NALF1: variants seen among roughly 807,000 people sequenced by gnomAD.
NALF1 encodes NALCN channel auxiliary factor 1, also known as family with sequence similarity 155 member A.
NALF1 carries 3 observed loss-of-function variants against 48.4 expected under a neutral mutation model. The ratio of observed to expected loss-of-function variants is 0.06; its 90% CI spans 0.03 to 0.16. The LOEUF is 0.16. Ranked by LOEUF, NALF1 falls within the 10% of genes least tolerant of loss-of-function variation. The pLI, the probability that NALF1 is intolerant of heterozygous loss-of-function variation, is 1.00. For missense variants in NALF1, 526 were observed against 571.5 expected (o/e 0.92, Z 0.81); for synonymous variants, 262 against 245.7 (o/e 1.07, Z -0.62).
chr13:107,851,805 C>CTTTTTTTT (rs34999908), intron 1 of NALF1, among the ~76,000 whole-genome samples: 1 of 104,700 alleles, frequency 9.6e-6, no homozygotes. Context: ...CAGGCCCTTT[C>CTTTTTTTT]TTTTTTTTTT....
At chr13:107,534,045 G>A (rs1375626907) in intron 1 of NALF1, among the ~76,000 whole-genome samples, 4 of 152,102 alleles carry the variant, frequency 2.6e-5, no homozygotes, top group African/African-American at 9.7e-5. Flanking sequence ...GAGAGAAATG[G>A]AACGTGAGAG....
intron 1 of NALF1, among the ~76,000 whole-genome samples, chr13:107,424,174 GT>G (rs1884239941): frequency 1.3e-5 from 2 of 152,166 alleles, no homozygotes; most frequent in African/African-American, 4.8e-5. Flanking sequence ...GTCTGCCTCT[GT>G]TGCCCAGGCT....
chr13:107,419,712 A>G lies in NALF1; in HGVS notation c.916-208957T>C, dbSNP rs535748726. Among the ~76,000 whole-genome samples, 3 of 152,354 alleles carry G rather than the reference A, an allele frequency of 2.0e-5. No individual in the cohort carries two copies. In the South Asian group the frequency reaches 6.2e-4, roughly 32 times the overall value. ...TCTTTCAAAATCTTTAATAAGCATG[A>G]TGTATGAAATATTAAAAGAGGGAAA... On this transcript the variant is annotated intron_variant, in intron 1 of 2. Transcript: ENST00000375915.
intron 1 of NALF1, among the ~76,000 whole-genome samples, chr13:107,518,204 G>A (rs1594106109): frequency 1.3e-5 from 2 of 152,052 alleles, no homozygotes; most frequent in South Asian, 4.1e-4. Flanking sequence ...TAAGGAATTC[G>A]GTACTGGCAC....
chr13:107,181,173 A>G (rs1187028345), intron 2 of NALF1, among the ~76,000 whole-genome samples: 1 of 151,634 alleles, frequency 6.6e-6, no homozygotes, highest in Non-Finnish European at 1.5e-5. Context: ...TGAACATATC[A>G]GTACCTATTC....
intron 1 of NALF1, among the ~76,000 whole-genome samples, chr13:107,546,715 G>A (rs1373445598): frequency 6.6e-6 from 1 of 151,944 alleles, no homozygotes; most frequent in Admixed American, 6.6e-5. Flanking sequence ...AAATTCCACT[G>A]ATGTAGTATA....
intron 1 of NALF1, among the ~76,000 whole-genome samples, chr13:107,536,019 G>A (rs111329108): frequency 0.035 from 5,357 of 152,232 alleles, 320 homozygotes; most frequent in African/African-American, 0.12. Context: ...AAACTGGCTA[G>A]CCATATGTAG....
chr13:107,732,771 A>G lies in NALF1; in HGVS notation c.915+132911T>C, dbSNP rs117745099. 0.026 allele frequency among the ~76,000 whole-genome samples: 4,028 copies of G among 152,244 alleles called. 301 individuals are homozygous for G. In the East Asian group the frequency reaches 0.3, roughly 11 times the overall value. On this transcript the variant is annotated intron_variant, in intron 1 of 2. Coordinates refer to ENST00000375915, the MANE Select transcript of NALF1 (RefSeq NM_001080396.3). ...TCATTGCTATGATAGATAAGCTTGC[A>G]GAGTAACATAAACCTATTGCAAAGT...
chr13:107,814,818 A>G (rs1256079906), intron 1 of NALF1, among the ~76,000 whole-genome samples: 1 of 152,168 alleles, frequency 6.6e-6, no homozygotes, highest in Non-Finnish European at 1.5e-5. Flanking sequence ...ACAAACCTAT[A>G]AACCACCTAG....
chr13:107,479,725 T>C (rs574230884), intron 1 of NALF1, among the ~76,000 whole-genome samples: 3 of 152,316 alleles, frequency 2.0e-5, no homozygotes, highest in Admixed American at 2.0e-4. Flanking sequence ...AGGAAGATAT[T>C]ATGCTCCTAT....
intron 1 of NALF1, among the ~76,000 whole-genome samples, chr13:107,734,098 C>T (rs935272764): frequency 1.3e-5 from 2 of 152,060 alleles, no homozygotes; most frequent in Non-Finnish European, 1.5e-5. Context: ...TGTTGCACTA[C>T]GGTGTTATGA....
chr13:107,350,455 C>G (rs576537472), intron 1 of NALF1, among the ~76,000 whole-genome samples: 1 of 152,164 alleles, frequency 6.6e-6, no homozygotes, highest in Non-Finnish European at 1.5e-5. Context: ...GCAATAAACC[C>G]GTTGCTAGTC....
chr13:107,634,713 A>C (rs866516544), intron 1 of NALF1, among the ~76,000 whole-genome samples: 1 of 152,126 alleles, frequency 6.6e-6, no homozygotes, highest in Non-Finnish European at 1.5e-5. Context: ...CAGAGGCAGA[A>C]CTGCTGTGGT....
chr13:107,177,256 G>C (rs1007999617), intron 2 of NALF1, among the ~76,000 whole-genome samples: 1 of 152,150 alleles, frequency 6.6e-6, no homozygotes, highest in Non-Finnish European at 1.5e-5. Flanking sequence ...TCATGGATTG[G>C]AAGAATCAGT....
intron 1 of NALF1, among the ~76,000 whole-genome samples, chr13:107,585,242 A>G (rs1341597255): frequency 6.6e-6 from 1 of 152,188 alleles, no homozygotes; most frequent in East Asian, 1.9e-4. Flanking sequence ...AAATAGATAC[A>G]GATAAATTTG....
chr13:107,549,609 T>C (rs920963197), intron 1 of NALF1, among the ~76,000 whole-genome samples: 2 of 152,210 alleles, frequency 1.3e-5, no homozygotes, highest in East Asian at 3.8e-4. Flanking sequence ...TATTATTCAG[T>C]GTGTATATAT....
chr13:107,763,789 T>C (rs528672320), intron 1 of NALF1, among the ~76,000 whole-genome samples: 1 of 152,230 alleles, frequency 6.6e-6, no homozygotes, highest in East Asian at 1.9e-4. Flanking sequence ...TTATACAAAG[T>C]TATACAGACA....
intron 1 of NALF1, among the ~76,000 whole-genome samples, chr13:107,280,731 GC>G (rs1881370652): frequency 6.6e-6 from 1 of 152,120 alleles, no homozygotes; most frequent in Non-Finnish European, 1.5e-5. Flanking sequence ...TGACCAGTCA[GC>G]TCTAATTAAA....
intron 1 of NALF1, among the ~76,000 whole-genome samples, chr13:107,812,709 T>A (rs9520589): frequency 0.14 from 22,040 of 152,168 alleles, 1,824 homozygotes; most frequent in African/African-American, 0.22. Flanking sequence ...TCAAACAGTA[T>A]TATTTTCTGA....
Sources: gnomAD v4.1 joint callset for allele counts (sites outside exome capture counted in the v4.1 genomes callset) on GRCh38, gnomAD v4.1.1 for gene constraint, MANE v1.5 for transcripts, NCBI Gene and HGNC (gene_info 2026-07-23, HGNC 2026-07-21) for gene names.